Variants in LGSN observed in about 807,000 individuals in gnomAD.
LGSN encodes the protein lengsin.
Under a neutral mutation model 19.5 loss-of-function variants are expected in LGSN, and 21 were observed. The observed-to-expected ratio is 1.07, with a 90% CI of 0.76 to 1.55. The LOEUF (loss-of-function observed/expected upper bound fraction) is 1.55, where lower values mean the gene tolerates loss of function less well. Among genes scored for constraint, LGSN ranks in the 40% most tolerant of loss-of-function variants. The pLI is 0.00. For missense variants in LGSN, 673 were observed against 608.5 expected (o/e 1.11, Z -1.12); for synonymous variants, 257 against 215.6 (o/e 1.19, Z -1.68).
At chr6:63,474,887 CAA>C in the LGSN span, among the ~76,000 whole-genome samples, 305 of 110,504 alleles carry the variant, frequency 2.8e-3, 1 homozygote, top group South Asian at 5.0e-3. Context: ...GACTCCGTCT[CAA>C]AAAAAAAAAA....
chr6:63,478,271 C>A, the LGSN span, among the ~76,000 whole-genome samples: 1 of 152,090 alleles, frequency 6.6e-6, no homozygotes, highest in South Asian at 2.1e-4. Context: ...AATTATTAAG[C>A]CAAAAAATGT....
the LGSN span, among the ~76,000 whole-genome samples, chr6:63,458,330 G>T: frequency 1.3e-5 from 2 of 152,112 alleles, no homozygotes; most frequent in African/African-American, 4.8e-5. Flanking sequence ...GCCTCCCAAA[G>T]TGCTGGAATT....
At chr6:63,358,123 G>A in the LGSN span, among the ~76,000 whole-genome samples, 26 of 152,258 alleles carry the variant, frequency 1.7e-4, no homozygotes, top group African/African-American at 3.6e-4. Context: ...TGTCAGGTTC[G>A]TCAAAGATCA....
the LGSN span, among the ~76,000 whole-genome samples, chr6:63,484,806 C>T: frequency 2.0e-5 from 3 of 152,166 alleles, no homozygotes; most frequent in East Asian, 5.8e-4. Flanking sequence ...GTAATACCTA[C>T]TGTTATTGTG....
At chr6:63,307,636 C>A (rs1405646190) in intron 1 of LGSN, among the ~76,000 whole-genome samples, 1 of 152,210 alleles carries the variant, frequency 6.6e-6, no homozygotes, top group African/African-American at 2.4e-5. Flanking sequence ...AGTGGTGCAG[C>A]TCTCCCTGGT....
At chr6:63,312,760 G>T (rs940296376) in intron 1 of LGSN, among the ~76,000 whole-genome samples, 1 of 152,168 alleles carries the variant, frequency 6.6e-6, no homozygotes, top group Non-Finnish European at 1.5e-5. Flanking sequence ...TAGGAGAATA[G>T]CTCTGGAGAA....
chr6:63,446,628 T>A, the LGSN span, among the ~76,000 whole-genome samples: 1 of 152,238 alleles, frequency 6.6e-6, no homozygotes, highest in Non-Finnish European at 1.5e-5. Context: ...GCATTATCAT[T>A]CTATTTCCTA....
chr6:63,512,793 A>G, the LGSN span, among the ~76,000 whole-genome samples: 1,341 of 152,352 alleles, frequency 8.8e-3, 23 homozygotes, highest in African/African-American at 0.031. Flanking sequence ...TTCAGTGTAA[A>G]ATAAATACAA....
At chr6:63,459,937 A>C in the LGSN span, among the ~76,000 whole-genome samples, 2 of 151,806 alleles carry the variant, frequency 1.3e-5, no homozygotes, top group Non-Finnish European at 1.5e-5. Flanking sequence ...TTTTCTGATC[A>C]CCTAATAATG....
At chr6:63,475,689 C>G in the LGSN span, among the ~76,000 whole-genome samples, 1 of 152,180 alleles carries the variant, frequency 6.6e-6, no homozygotes, top group South Asian at 2.1e-4. Context: ...TTTCTAATAT[C>G]TGGGCTAATA....
the LGSN span, among the ~76,000 whole-genome samples, chr6:63,551,895 G>A: frequency 6.6e-6 from 1 of 152,114 alleles, no homozygotes; most frequent in African/African-American, 2.4e-5. Context: ...TGGCTGCATA[G>A]TATTCCATGG....
the LGSN span, among the ~76,000 whole-genome samples, chr6:63,509,068 A>C: frequency 6.6e-6 from 1 of 150,546 alleles, no homozygotes; most frequent in Admixed American, 6.7e-5. Context: ...AAGGAAAAAA[A>C]TTTTCTTTTT....
the LGSN span, among the ~76,000 whole-genome samples, chr6:63,398,118 G>A: frequency 6.9e-6 from 1 of 144,724 alleles, no homozygotes; most frequent in South Asian, 2.2e-4. Flanking sequence ...ATTATGTACA[G>A]TAAATAAAAC....
chr6:63,285,756 G>A lies in LGSN; in HGVS notation c.164-3C>T, dbSNP rs557863773. ...TTGACTGCTGTCCCTCATGCAATCT[G>A]CAAAATAAAAAAATAGGTTCTAACT... On this transcript the variant is annotated splice_polypyrimidine_tract_variant and splice_region_variant and intron_variant, in intron 2 of 3. Coordinates refer to ENST00000370657, the MANE Select transcript of LGSN (RefSeq NM_016571.3). 1.2e-6 allele frequency: 2 copies of A among 1,611,642 alleles called. No individual in the cohort carries two copies. The highest frequency in any genetic ancestry group is 4.5e-5 in the East Asian group (2 of 44,846).
chr6:63,382,599 G>T, the LGSN span, among the ~76,000 whole-genome samples: 8 of 152,134 alleles, frequency 5.3e-5, no homozygotes, highest in Non-Finnish European at 1.2e-4. Context: ...AGAGATACAG[G>T]TTTCTCACTG....
At chr6:63,383,698 G>T in the LGSN span, among the ~76,000 whole-genome samples, 1 of 151,456 alleles carries the variant, frequency 6.6e-6, no homozygotes. Context: ...CACTATAATA[G>T]TTTCTAATAT....
At chr6:63,410,938 T>G in the LGSN span, among the ~76,000 whole-genome samples, 6 of 152,168 alleles carry the variant, frequency 3.9e-5, no homozygotes, top group African/African-American at 7.2e-5. Context: ...GCAACGAGGT[T>G]TGGCATAAAG....
chr6:63,449,402 G>A, the LGSN span, among the ~76,000 whole-genome samples: 12 of 151,902 alleles, frequency 7.9e-5, no homozygotes, highest in South Asian at 2.1e-4. Flanking sequence ...AAAACTAGCC[G>A]GGCGTGGTGG....
At chr6:63,480,797 C>T in the LGSN span, among the ~76,000 whole-genome samples, 9,009 of 146,654 alleles carry the variant, frequency 0.061, 982 homozygotes, top group African/African-American at 0.22. Flanking sequence ...TTGGTATCTA[C>T]CCAAAGGAAA....
Sources: allele counts gnomAD v4.1 joint callset (sites outside exome capture counted in the v4.1 genomes callset), GRCh38; gene constraint gnomAD v4.1.1; transcripts MANE v1.5; gene names NCBI Gene and HGNC (gene_info 2026-07-23, HGNC 2026-07-21).